HMCN2: variants seen among roughly 807,000 people sequenced by gnomAD.
HMCN2 encodes the protein hemicentin-2.
In HMCN2, 325 loss-of-function variants were observed where a neutral mutation model predicts 377.5. The ratio of observed to expected loss-of-function variants is 0.86; its 90% CI spans 0.79 to 0.94. The LOEUF is 0.94. HMCN2 is among the 40% of genes least tolerant of loss of function. HMCN2 has a pLI of 0.00. For missense variants in HMCN2, 4,543 were observed against 4,725.3 expected (o/e 0.96, Z 1.13); for synonymous variants, 2,007 against 2,046.8 (o/e 0.98, Z 0.53).
At chr9:130,390,186 C>A (rs147455695) in intron 62 of HMCN2, among the ~76,000 whole-genome samples, 1 of 152,174 alleles carries the variant, frequency 6.6e-6, no homozygotes, top group Admixed American at 6.5e-5. Flanking sequence ...CTCTGCTCCC[C>A]CCGGCTGACT....
chr9:130,289,816 G>A (rs1309215825), intron 4 of HMCN2, among the ~76,000 whole-genome samples: 1 of 152,122 alleles, frequency 6.6e-6, no homozygotes, highest in Non-Finnish European at 1.5e-5. Context: ...CCTGACTAGG[G>A]TTCTCTCTCT....
At chr9:130,367,175 G>T (rs1840739820) in intron 43 of HMCN2, among the ~76,000 whole-genome samples, 1 of 152,096 alleles carries the variant, frequency 6.6e-6, no homozygotes, top group Non-Finnish European at 1.5e-5. Context: ...TTACCGAGAT[G>T]GGAGACCCCA....
Position 130,304,873 on chromosome 9 carries a change from C to T in HMCN2, c.1687C>T (p.Arg563Ter), listed in dbSNP as rs782676030. The T allele has an allele frequency of 7.9e-5, 37 of 470,988 alleles. No individual in the cohort carries two copies. The highest frequency in any genetic ancestry group is 1.4e-4 in the Non-Finnish European group (31 of 227,062). 29.2% of individuals were successfully genotyped at this position (470,988 alleles called of 1,614,324 possible). A position where few individuals can be genotyped will look rare whatever the true frequency, so the allele number is the denominator to read the frequency against. The part of the protein sequence containing the change: ...DWRVLPASTG[R>*]VAQLADLSLE... ...GCGAGTCCTGCCGGCCTCGACGGGC[C>T]GAGTTGCCCAGCTGGCTGACCTGTC... Residue 563 changes from arginine to a stop codon, truncating the protein, a stop_gained, in exon 11 of 98, where the codon CGA becomes TGA. Transcript: ENST00000683500. LOFTEE classifies it high-confidence loss of function. The surrounding 1 kb of genome is among the most constrained non-coding windows in gnomAD (Gnocchi z 4.3).
chr9:130,318,028 G>T (rs1837659443), intron 15 of HMCN2, among the ~76,000 whole-genome samples: 1 of 152,264 alleles, frequency 6.6e-6, no homozygotes, highest in East Asian at 1.9e-4. Flanking sequence ...TGGGGGCCAG[G>T]GCTCTGCAGG....
intron 61 of HMCN2, among the ~76,000 whole-genome samples, 166 bp downstream of exon 61, chr9:130,386,690 T>G (rs1292162467): frequency 1.3e-5 from 2 of 152,206 alleles, no homozygotes; most frequent in Non-Finnish European, 2.9e-5. Flanking sequence ...TCTTTCTTTT[T>G]GTAGAGATGG....
chr9:130,372,131 C>T (rs575464516), intron 46 of HMCN2, among the ~76,000 whole-genome samples, 163 bp from the exon 47 acceptor site: 1 of 152,302 alleles, frequency 6.6e-6, no homozygotes, highest in South Asian at 2.1e-4. Flanking sequence ...ATTTGTTTAC[C>T]CTCCTGGGCC....
chr9:130,274,772 C>T (rs1243978119), intron 1 of HMCN2, among the ~76,000 whole-genome samples: 2 of 152,124 alleles, frequency 1.3e-5, no homozygotes, highest in African/African-American at 4.8e-5. Context: ...TTCTTCCCCC[C>T]ACATAATATG....
intron 28 of HMCN2, 121 bp downstream of exon 28, chr9:130,349,252 C>A: frequency 1.0e-6 from 1 of 1,003,622 alleles, no homozygotes; most frequent in Non-Finnish European, 1.3e-6. Flanking sequence ...ACAGAGGGAC[C>A]CATGACAGAC....
In HMCN2 at chr9:130,351,185, A is replaced by G; in HGVS notation, c.4431-238A>G. Among the ~76,000 whole-genome samples the G allele has an allele frequency of 6.6e-6, 1 of 152,154 alleles. No homozygotes were observed. The highest frequency in any genetic ancestry group is 1.9e-4 in the East Asian group (1 of 5,178). On this transcript the variant is annotated intron_variant, in intron 29 of 97. Transcript: ENST00000683500. The surrounding 1 kb of genome is among the most constrained non-coding windows in gnomAD (Gnocchi z 5.4). ...CTCGGCATATTTTCCAGGTTCATCCATACTGTGGCAAGTGTCAGAATTGCC... is the reference window on the plus strand; with the variant it reads ...CTCGGCATATTTTCCAGGTTCATCCGTACTGTGGCAAGTGTCAGAATTGCC...
chr9:130,397,491 G>C (rs1179621045), intron 73 of HMCN2, 37 bp from the exon 74 acceptor site: 1 of 1,287,976 alleles, frequency 7.8e-7, no homozygotes, highest in African/African-American at 1.5e-5. Context: ...GACCCCACTG[G>C]CTTGCTCATC....
rs576036165 is a variant in HMCN2, at chr9:130,276,324, A to AG, written c.260-8278dup. 1.9e-3 allele frequency among the ~76,000 whole-genome samples: 274 copies of AG among 146,164 alleles called. 2 individuals carry two copies. The highest frequency in any genetic ancestry group is 2.6e-3 in the Non-Finnish European group (172 of 66,946). ...GCCAAGTTCCTAGGCATCTCATCAC[A>AG]GCTGTGGCTGCCCGCAATGACATTC... On this transcript the variant is annotated intron_variant, in intron 1 of 97. Transcript: ENST00000683500.
At chr9:130,384,264 G>A (rs1342269872) in intron 57 of HMCN2, 109 bp from the exon 58 acceptor site, 3 of 895,026 alleles carry the variant, frequency 3.4e-6, no homozygotes, top group South Asian at 3.4e-5. Flanking sequence ...AAGTTGTGCC[G>A]AGGTGAAGCC....
intron 25 of HMCN2, among the ~76,000 whole-genome samples, chr9:130,344,011 G>C (rs1839202847): frequency 6.6e-6 from 1 of 151,962 alleles, no homozygotes; most frequent in Non-Finnish European, 1.5e-5. Flanking sequence ...CAGTGGGGAG[G>C]GGGCGGCGTG....
intron 40 of HMCN2, 76 bp downstream of exon 40, chr9:130,363,066 C>A (rs930152735): frequency 5.1e-6 from 5 of 979,554 alleles, no homozygotes; most frequent in Non-Finnish European, 4.9e-6. Context: ...CCAGTCACTT[C>A]CAAAAGGAGA....
At chr9:130,358,040 G>A in intron 35 of HMCN2, 52 bp downstream of exon 35, 1 of 1,269,572 alleles carries the variant, frequency 7.9e-7, no homozygotes, top group Non-Finnish European at 1.0e-6. Context: ...AGGTGGAGGG[G>A]CTGCTCTGGG....
chr9:130,402,836 A>C lies in HMCN2; in HGVS notation c.11818A>C (p.Thr3940Pro), dbSNP rs1462512161. The change falls in exon 78 of 98, where the codon ACC becomes CCC. Residue 3940 changes from threonine to proline, a missense_variant. This residue lies in a region of HMCN2 where 1,073 missense variants were observed against 1,319.5 expected (regional missense o/e 0.81). Coordinates refer to ENST00000683500, the MANE Select transcript of HMCN2 (RefSeq NM_001291815.2). ...CCTCCCCATCCACGCAGGCCGCTAC[A>C]CCTGCTCAGCCCGCAACTCTGCCGG... ...QALPIHAGRY[T>P]CSARNSAGVA... 7.8e-7 allele frequency: 1 copy of C among 1,289,664 alleles called. No homozygotes were observed. Among genetic ancestry groups the C allele is most frequent in the Non-Finnish European group, 1.0e-6 (1 of 988,840 alleles). 79.9% of individuals were successfully genotyped at this position (1,289,664 alleles called of 1,614,324 possible).
intron 4 of HMCN2, among the ~76,000 whole-genome samples, chr9:130,291,620 T>C (rs1835771098): frequency 6.6e-6 from 1 of 152,252 alleles, no homozygotes; most frequent in African/African-American, 2.4e-5. Context: ...TCAACAATTG[T>C]TAACATTTCT....
chr9:130,392,590 C>CT (rs1191654604), intron 66 of HMCN2, among the ~76,000 whole-genome samples: 3 of 152,154 alleles, frequency 2.0e-5, no homozygotes, highest in Non-Finnish European at 2.9e-5. Context: ...GGACGTGGAG[C>CT]TTCCCGAATT....
At chr9:130,318,514 T>G (rs1256582526) in intron 15 of HMCN2, among the ~76,000 whole-genome samples, 1 of 152,180 alleles carries the variant, frequency 6.6e-6, no homozygotes, top group Non-Finnish European at 1.5e-5. Flanking sequence ...AATAACTTCT[T>G]TTTTTCTTCT....
Sources: gnomAD v4.1 joint callset for allele counts (sites outside exome capture counted in the v4.1 genomes callset) on GRCh38, gnomAD v4.1.1 for gene constraint, gnomAD v4.1.1 regional missense constraint, Gnocchi (gnomAD v3.1) non-coding constraint, MANE v1.5 for transcripts, NCBI Gene and HGNC (gene_info 2026-07-23, HGNC 2026-07-21) for gene names.